Variants in ADAMTS17 observed in about 807,000 individuals in gnomAD.
ADAMTS17 encodes the protein A disintegrin and metalloproteinase with thrombospondin motifs 17.
In ADAMTS17, 113 loss-of-function variants were observed where a neutral mutation model predicts 141.5. The ratio of observed to expected loss-of-function variants is 0.80; its 90% CI spans 0.69 to 0.93. The LOEUF is 0.93. Ranked by LOEUF, ADAMTS17 falls within the 40% of genes least tolerant of loss-of-function variation. ADAMTS17 has a pLI of 0.00. For missense variants in ADAMTS17, 1,659 were observed against 1,517.9 expected (o/e 1.09, Z -1.54); for synonymous variants, 768 against 630.6 (o/e 1.22, Z -3.27).
At chr15:100,216,726 C>A (rs2041979521) in intron 7 of ADAMTS17, among the ~76,000 whole-genome samples, 2 of 152,338 alleles carry the variant, frequency 1.3e-5, no homozygotes, top group Admixed American at 6.5e-5. Context: ...ATGGCGCCCA[C>A]CTTGGTTAGG....
At chr15:100,082,250 G>C (rs2034790639) in intron 15 of ADAMTS17, among the ~76,000 whole-genome samples, 1 of 152,170 alleles carries the variant, frequency 6.6e-6, no homozygotes, top group Admixed American at 6.6e-5. Flanking sequence ...ATTTTTGGTA[G>C]AGATGGGGTT....
chr15:100,207,225 C>G (rs540476161), intron 7 of ADAMTS17, among the ~76,000 whole-genome samples: 2 of 152,250 alleles, frequency 1.3e-5, no homozygotes, highest in African/African-American at 4.8e-5. Flanking sequence ...TTCCCTCTCT[C>G]CAAGTGAGCA....
At chr15:100,336,554 G>A (rs568403758) in intron 2 of ADAMTS17, among the ~76,000 whole-genome samples, 32 of 152,054 alleles carry the variant, frequency 2.1e-4, no homozygotes, top group Non-Finnish European at 4.1e-4. Context: ...TTCTGCACAC[G>A]ATCAAGTCCT....
intron 4 of ADAMTS17, among the ~76,000 whole-genome samples, chr15:100,264,610 A>G (rs2043644768): frequency 6.6e-6 from 1 of 152,226 alleles, no homozygotes. Flanking sequence ...GGAACAGTGC[A>G]AGTTTCAGGA....
In ADAMTS17 at chr15:100,170,655, A is replaced by G. The variant is rs2040125175; in HGVS notation, c.1182-15335T>C. On this transcript the variant is annotated intron_variant, in intron 8 of 21. Transcript: ENST00000268070. ...TATTCAGAGGAAATGCTCTAGGTCA[A>G]TTGGTTTTCTATCAGCCTGTTTTTC... Among the ~76,000 whole-genome samples the G allele has an allele frequency of 2.0e-5, 3 of 152,346 alleles. No homozygotes were observed. In the South Asian group the frequency reaches 6.2e-4, roughly 32 times the overall value.
In ADAMTS17 at chr15:100,067,594, T is replaced by C. The variant is rs79090715; in HGVS notation, c.2138-13540A>G. ...TTTTTCTGATCTATTTGGTTTTCTTTTGAACATCAGAGTACATATGTTTAT... is the reference window on the plus strand; with the variant it reads ...TTTTTCTGATCTATTTGGTTTTCTTCTGAACATCAGAGTACATATGTTTAT... On this transcript the variant is annotated intron_variant, in intron 15 of 21. Coordinates refer to ENST00000268070, the MANE Select transcript of ADAMTS17 (RefSeq NM_139057.4). Among the ~76,000 whole-genome samples the C allele has an allele frequency of 5.4e-3, 819 of 152,330 alleles. 3 individuals are homozygous for C. Among genetic ancestry groups the C allele is most frequent in the Non-Finnish European group, 8.7e-3 (589 of 68,024 alleles).
chr15:99,998,660 C>A (rs1442595328), intron 18 of ADAMTS17, among the ~76,000 whole-genome samples: 1 of 152,184 alleles, frequency 6.6e-6, no homozygotes, highest in African/African-American at 2.4e-5. Flanking sequence ...GCCTGATGAT[C>A]CGATGCATTA....
intron 8 of ADAMTS17, among the ~76,000 whole-genome samples, chr15:100,158,939 A>G (rs1273099957): frequency 6.6e-6 from 1 of 152,240 alleles, no homozygotes; most frequent in South Asian, 2.1e-4. Flanking sequence ...TACACCTCTC[A>G]TGATGTTTAC....
At chr15:100,265,036 C>G (rs1307213136) in intron 4 of ADAMTS17, among the ~76,000 whole-genome samples, 1 of 152,222 alleles carries the variant, frequency 6.6e-6, no homozygotes, top group Non-Finnish European at 1.5e-5. Context: ...AAATAATGTT[C>G]TCTAGCAAGC....
At position 100,278,524 on chromosome 15, in the gene ADAMTS17, G is replaced by C. The variant is rs116209840; in HGVS notation, c.789+2705C>G. On this transcript the variant is annotated intron_variant, in intron 4 of 21. Coordinates refer to ENST00000268070, the MANE Select transcript of ADAMTS17 (RefSeq NM_139057.4). ...CTTGGCAAGTGTACCTTGCAGAAGA[G>C]CCTGGCATATGAGGAAACATGTGGG... Among the ~76,000 whole-genome samples the C allele has an allele frequency of 5.5e-3, 839 of 152,234 alleles. 9 individuals carry two copies. The highest frequency in any genetic ancestry group is 0.019 in the African/African-American group (778 of 41,546).
chr15:100,090,137 C>G (rs2035363795), intron 15 of ADAMTS17, among the ~76,000 whole-genome samples: 2 of 152,152 alleles, frequency 1.3e-5, no homozygotes, highest in Non-Finnish European at 2.9e-5. Flanking sequence ...CAGCAAATCT[C>G]TCTTAGAGAA....
chr15:100,080,672 GTAAT>G (rs937486437), intron 15 of ADAMTS17, among the ~76,000 whole-genome samples: 3 of 152,156 alleles, frequency 2.0e-5, no homozygotes, highest in Non-Finnish European at 4.4e-5. Context: ...AATGAAGTCT[GTAAT>G]TATTTCCTCC....
rs755032203 is a variant in ADAMTS17 at position 100,330,990 on chromosome 15, G to C, written c.515C>G (p.Pro172Arg). 6.2e-7 allele frequency: 1 copy of C among 1,614,154 alleles called. No individual in the cohort carries two copies. The highest frequency in any genetic ancestry group is 1.7e-5 in the Admixed American group (1 of 60,020). The change falls in exon 3 of 22, where the codon CCA becomes CGA. Residue 172 changes from proline (P) to arginine (R), a missense_variant. Transcript: ENST00000268070. ...GATCAGATGTTCTCGTCCACTGAAT[G>C]GGCCCTGGGAGTTGTTGAGGGGCTG... Reference protein sequence around the residue: ...LIQPLNNSQGPFSGREHLIRR... With the variant: ...LIQPLNNSQGRFSGREHLIRR...
chr15:100,034,748 T>C (rs1300739801), intron 18 of ADAMTS17, among the ~76,000 whole-genome samples: 2 of 152,188 alleles, frequency 1.3e-5, no homozygotes, highest in Non-Finnish European at 2.9e-5. Context: ...ATCTCCATCC[T>C]GCTCCCTCGT....
intron 16 of ADAMTS17, 108 bp from the exon 17 acceptor site, chr15:100,051,839 A>G: frequency 7.1e-7 from 1 of 1,402,440 alleles, no homozygotes; most frequent in Non-Finnish European, 1.0e-6. Context: ...ATGAGGGGTA[A>G]CCAGCTCTTT....
intron 15 of ADAMTS17, among the ~76,000 whole-genome samples, chr15:100,076,746 G>C (rs915319092): frequency 2.0e-5 from 3 of 152,068 alleles, no homozygotes; most frequent in East Asian, 1.9e-4. Context: ...AAATACACTT[G>C]AGTATACTTT....
intron 7 of ADAMTS17, among the ~76,000 whole-genome samples, chr15:100,224,470 A>G (rs2141813290): frequency 6.6e-6 from 1 of 152,238 alleles, no homozygotes; most frequent in East Asian, 1.9e-4. Context: ...AGGTTACTAC[A>G]TCATAAATTA....
At position 100,264,055 on chromosome 15, in the gene ADAMTS17, T is replaced by TA. The variant is rs144053000; in HGVS notation, c.790-1621dup. Among the ~76,000 whole-genome samples, 1,412 of 152,210 alleles carry TA rather than the reference T, an allele frequency of 9.3e-3. 11 individuals are homozygous for TA. The highest frequency in any genetic ancestry group is 0.025 in the African/African-American group (1,040 of 41,514). On this transcript the variant is annotated intron_variant, in intron 4 of 21. Coordinates refer to ENST00000268070, the MANE Select transcript of ADAMTS17 (RefSeq NM_139057.4). ...ACTCTTTGAAAACCATTATTACAGT[T>TA]AAAAAAAACCTATCTTTGTGTGACG...
intron 14 of ADAMTS17, among the ~76,000 whole-genome samples, chr15:100,097,546 C>T (rs1033833260): frequency 3.9e-5 from 6 of 152,230 alleles, no homozygotes; most frequent in African/African-American, 7.2e-5. Flanking sequence ...TGGCTGCACG[C>T]GCATCCCTGG....
Sources: allele counts gnomAD v4.1 joint callset (sites outside exome capture counted in the v4.1 genomes callset), GRCh38; gene constraint gnomAD v4.1.1; transcripts MANE v1.5; gene names NCBI Gene and HGNC (gene_info 2026-07-23, HGNC 2026-07-21).